MAP3K3: variants seen among roughly 807,000 people sequenced by gnomAD.
The protein encoded by MAP3K3 is MAP/ERK kinase kinase 3.
MAP3K3 carries 12 observed loss-of-function variants against 80.9 expected under a neutral mutation model. That is an observed-to-expected ratio of 0.15 (90% CI 0.10 to 0.24). The LOEUF (loss-of-function observed/expected upper bound fraction) is 0.24. Among genes scored for constraint, MAP3K3 ranks in the 10% least tolerant of loss-of-function variants. The pLI is 1.00. For synonymous variants in MAP3K3, 272 were observed against 307.1 expected, an observed-to-expected ratio of 0.89 and a Z score of 1.19; for missense variants, 596 against 834.7, an observed-to-expected ratio of 0.71 and a Z score of 3.52.
intron 5 of MAP3K3, among the ~76,000 whole-genome samples, chr17:63,664,270 AG>A (rs2034958151): frequency 7.0e-6 from 1 of 142,832 alleles, no homozygotes; most frequent in Non-Finnish European, 1.5e-5. Flanking sequence ...AAAAAAAAAA[AG>A]GGCTTTAATA....
At position 63,634,612 on chromosome 17, in the gene MAP3K3, G is replaced by A. The variant is rs778128052; in HGVS notation, c.126+1810G>A. On this transcript the variant is annotated intron_variant, in intron 2 of 15. Transcript: ENST00000361733. ...TGTTAGGAAGTAATCTTAACAAGAG[G>A]TACTAGATCTTTGGATCCATGATTT... 34 of 980,758 alleles carry A rather than the reference G, an allele frequency of 3.5e-5. 1 individual carries two copies. The highest frequency in any genetic ancestry group is 5.2e-5 in the Non-Finnish European group (33 of 629,966). The allele number at this position is 980,758 out of a possible 1,614,324, so 60.8% of individuals were successfully genotyped here.
At chr17:63,673,238 A>G (rs907439656) in intron 6 of MAP3K3, among the ~76,000 whole-genome samples, 2 of 152,224 alleles carry the variant, frequency 1.3e-5, no homozygotes, top group Non-Finnish European at 2.9e-5. Context: ...CTTGAGCAAC[A>G]GATAAACACA....
In MAP3K3 at chr17:63,692,529, G is replaced by A; in HGVS notation, c.1652+110G>A. On this transcript the variant is annotated intron_variant, in intron 15 of 15. Coordinates refer to ENST00000361733, the MANE Select transcript of MAP3K3 (RefSeq NM_002401.5). The surrounding 1 kb of genome is among the most constrained non-coding windows in gnomAD (Gnocchi z 4.5). Reference sequence around the variant, plus strand: ...TGTGGCAGGAGGGAGTGTGCCCAGGGCCCAGGCTGCAGTGTGTGCAAGGGT... The same window carrying A: ...TGTGGCAGGAGGGAGTGTGCCCAGGACCCAGGCTGCAGTGTGTGCAAGGGT... 3.4e-6 allele frequency: 4 copies of A among 1,168,766 alleles called. No homozygotes were observed. Among genetic ancestry groups the A allele is most frequent in the African/African-American group, 1.6e-5 (1 of 64,458 alleles). The allele number at this position is 1,168,766 out of a possible 1,614,324, so 72.4% of individuals were successfully genotyped here.
intron 4 of MAP3K3, among the ~76,000 whole-genome samples, chr17:63,653,800 A>G (rs1030577835): frequency 6.6e-6 from 1 of 152,248 alleles, no homozygotes; most frequent in African/African-American, 2.4e-5. Flanking sequence ...ATCTAAAAGT[A>G]TACCATTCAG....
chr17:63,640,436 C>T (rs1364749650), intron 2 of MAP3K3, among the ~76,000 whole-genome samples: 1 of 152,080 alleles, frequency 6.6e-6, no homozygotes, highest in Non-Finnish European at 1.5e-5. Flanking sequence ...TTGATTTTTG[C>T]AGGTCCATAA....
At chr17:63,688,616 T>C (rs764458986) in intron 9 of MAP3K3, 22 bp downstream of exon 9, 5 of 1,611,440 alleles carry the variant, frequency 3.1e-6, no homozygotes, top group Non-Finnish European at 3.4e-6. Context: ...AGAGCCTGGG[T>C]GGGTAATGCA....
At position 63,632,768 on chromosome 17, in the gene MAP3K3, T is replaced by A; in HGVS notation, c.92T>A (p.Met31Lys). 1 of 1,614,050 alleles carries A rather than the reference T, an allele frequency of 6.2e-7. No homozygotes were observed. The highest frequency in any genetic ancestry group is 1.1e-5 in the South Asian group (1 of 91,074). Residue 31 changes from methionine to lysine, a missense_variant, in exon 2 of 16, where the codon ATG becomes AAG. Met to Lys is a moderately conservative substitution (Grantham distance 95). Transcript: ENST00000361733. ...CACCGGATGCCTGGATATGAGACCA[T>A]GAAGAACAAAGACACAGGTCACTCA... is the stretch of plus-strand genomic sequence containing the variant. ...RRHRMPGYET[M>K]KNKDTGHSNR...
At chr17:63,677,849 G>GAA (rs1179311537) in intron 6 of MAP3K3, among the ~76,000 whole-genome samples, 2 of 147,672 alleles carry the variant, frequency 1.4e-5, no homozygotes, top group African/African-American at 5.4e-5. Flanking sequence ...AAGAAAGAAA[G>GAA]ATACATGGCA....
intron 1 of MAP3K3, among the ~76,000 whole-genome samples, chr17:63,630,565 A>C (rs1330148383): frequency 6.6e-6 from 1 of 152,152 alleles, no homozygotes; most frequent in Non-Finnish European, 1.5e-5. Flanking sequence ...GGGCTCAAGC[A>C]ATCCACCTGC....
intron 2 of MAP3K3, among the ~76,000 whole-genome samples, chr17:63,645,483 A>G (rs2034523973): frequency 1.3e-5 from 2 of 152,254 alleles, no homozygotes; most frequent in Admixed American, 6.5e-5. Context: ...AGCAGCAGCA[A>G]AAACCAAATA....
At chr17:63,632,028 A>G (rs1378814873) in intron 1 of MAP3K3, among the ~76,000 whole-genome samples, 2 of 152,180 alleles carry the variant, frequency 1.3e-5, no homozygotes, top group Admixed American at 6.5e-5. Flanking sequence ...TCATCTTTTC[A>G]TTCAGTACCA....
intron 2 of MAP3K3, among the ~76,000 whole-genome samples, chr17:63,643,097 A>G (rs867370354): frequency 8.5e-5 from 13 of 152,156 alleles, no homozygotes; most frequent in African/African-American, 2.9e-4. Flanking sequence ...AATTAAACAA[A>G]AACAAAAACC....
chr17:63,671,944 T>G (rs927801188), intron 6 of MAP3K3, among the ~76,000 whole-genome samples: 2 of 151,562 alleles, frequency 1.3e-5, no homozygotes, highest in African/African-American at 4.9e-5. Context: ...TCCAGGAGTT[T>G]GAGCTTAGCC....
intron 5 of MAP3K3, 75 bp downstream of exon 5, chr17:63,657,982 G>A (rs1344439338): frequency 1.2e-5 from 10 of 802,840 alleles, no homozygotes. Flanking sequence ...TCGCCTCCTT[G>A]ACAGACATTT....
At chr17:63,690,153 A>G in intron 11 of MAP3K3, 111 bp from the exon 12 acceptor site, 1 of 1,240,492 alleles carries the variant, frequency 8.1e-7, no homozygotes, top group East Asian at 2.3e-5. Flanking sequence ...CTAAGAGATG[A>G]TGGGTGCTGG....
chr17:63,634,967 A>C (rs2034293257), intron 2 of MAP3K3, among the ~76,000 whole-genome samples: 2 of 152,244 alleles, frequency 1.3e-5, no homozygotes, highest in African/African-American at 4.8e-5. Flanking sequence ...TTCTCACAAC[A>C]GTATTATTCA....
chr17:63,680,291 A>T (rs1476451843), intron 6 of MAP3K3, among the ~76,000 whole-genome samples: 1 of 152,208 alleles, frequency 6.6e-6, no homozygotes, highest in Admixed American at 6.5e-5. Context: ...GGGGTGGTAG[A>T]TAAGGGAATG....
At chr17:63,663,106 C>A (rs2034929509) in intron 5 of MAP3K3, among the ~76,000 whole-genome samples, 1 of 152,148 alleles carries the variant, frequency 6.6e-6, no homozygotes, top group Non-Finnish European at 1.5e-5. Flanking sequence ...GATGTTGTAT[C>A]ATTCTGTTCC....
At chr17:63,687,347 A>G (rs2035475133) in intron 8 of MAP3K3, among the ~76,000 whole-genome samples, 1 of 136,440 alleles carries the variant, frequency 7.3e-6, no homozygotes, top group African/African-American at 3.0e-5. Context: ...CTACTAAAAA[A>G]TACAAAAAAA....
Sources: gnomAD v4.1 joint callset for allele counts (sites outside exome capture counted in the v4.1 genomes callset) on GRCh38, gnomAD v4.1.1 for gene constraint, Gnocchi (gnomAD v3.1) non-coding constraint, MANE v1.5 for transcripts, NCBI Gene and HGNC (gene_info 2026-07-23, HGNC 2026-07-21) for gene names.